SESN1: variants seen among roughly 807,000 people sequenced by gnomAD.
SESN1 encodes sestrin-1.
SESN1 carries 30 observed loss-of-function variants against 59.3 expected under a neutral mutation model. That is an observed-to-expected ratio of 0.51 (90% CI 0.38 to 0.69). SESN1 has a LOEUF of 0.69. SESN1 is among the 30% of genes least tolerant of loss of function. The pLI is 0.00. For synonymous variants in SESN1, 197 were observed against 219.9 expected (o/e 0.90, Z 0.92); for missense variants, 566 against 673.0 (o/e 0.84, Z 1.76).
intron 9 of SESN1, 145 bp downstream of exon 9, chr6:108,988,398 A>AGGGGT: frequency 1.6e-6 from 1 of 620,472 alleles, no homozygotes; most frequent in South Asian, 2.7e-5. Flanking sequence ...TCCCTTCTGA[A>AGGGGT]GGGGTACCTG....
rs549093444 is a variant in SESN1, at chr6:109,094,079, T to C, written c.-6A>G. On this transcript the variant is annotated 5_prime_UTR_variant, in exon 1 of 10. Transcript: ENST00000436639. The stretch of plus-strand genomic sequence containing the variant: ...TCATTCTCTCCTTCAGCCATGACAA[T>C]AGTTTTTCCTTTGCGGTCTTCAGTT... 3 of 1,606,040 alleles carry C rather than the reference T, an allele frequency of 1.9e-6. No homozygotes were observed. Among genetic ancestry groups the C allele is most frequent in the African/African-American group, 1.3e-5 (1 of 74,804 alleles).
chr6:109,081,627 T>C (rs1442965716), intron 1 of SESN1, among the ~76,000 whole-genome samples: 1 of 152,080 alleles, frequency 6.6e-6, no homozygotes, highest in Non-Finnish European at 1.5e-5. Context: ...TTGATTCCAA[T>C]CCCATGGCAC....
intron 1 of SESN1, among the ~76,000 whole-genome samples, chr6:109,040,988 A>G (rs748036089): frequency 6.6e-6 from 1 of 151,754 alleles, no homozygotes; most frequent in African/African-American, 2.4e-5. Context: ...CATACCCTCA[A>G]TTTACAGAGT....
chr6:109,027,085 G>A (rs973277649), intron 1 of SESN1, among the ~76,000 whole-genome samples: 11 of 152,088 alleles, frequency 7.2e-5, no homozygotes, highest in African/African-American at 2.4e-4. Flanking sequence ...CACGAGAATC[G>A]CTTGAATCTG....
intron 1 of SESN1, among the ~76,000 whole-genome samples, chr6:109,062,148 C>T (rs1382245200): frequency 1.3e-5 from 2 of 152,154 alleles, no homozygotes; most frequent in Non-Finnish European, 2.9e-5. Context: ...CCTCAGCCTC[C>T]CAGGTAGCTG....
intron 1 of SESN1, among the ~76,000 whole-genome samples, chr6:109,066,643 G>C (rs779715090): frequency 2.6e-5 from 4 of 152,036 alleles, no homozygotes; most frequent in African/African-American, 7.2e-5. Flanking sequence ...TGTGTGATAC[G>C]AAGTAGAAAA....
chr6:109,070,575 G>A (rs1228584708), intron 1 of SESN1, among the ~76,000 whole-genome samples: 2 of 152,152 alleles, frequency 1.3e-5, no homozygotes, highest in Admixed American at 6.5e-5. Context: ...TTATGAAAAC[G>A]TATACAGTGA....
chr6:109,064,240 AC>A (rs1463290149), intron 1 of SESN1, among the ~76,000 whole-genome samples: 2 of 151,802 alleles, frequency 1.3e-5, no homozygotes, highest in Non-Finnish European at 2.9e-5. Flanking sequence ...AAACAGCTAT[AC>A]CCTTATGTTC....
At chr6:109,093,718 C>T in intron 1 of SESN1, 77 bp downstream of exon 1, 1 of 1,424,290 alleles carries the variant, frequency 7.0e-7, no homozygotes, top group Non-Finnish European at 9.6e-7. Flanking sequence ...CTAATAGAAA[C>T]AAACACAACG....
intron 1 of SESN1, among the ~76,000 whole-genome samples, chr6:109,062,168 G>A (rs1780744758): frequency 6.6e-6 from 1 of 152,184 alleles, no homozygotes; most frequent in Non-Finnish European, 1.5e-5. Flanking sequence ...GGGACTACAG[G>A]CATGAGCCAC....
At chr6:109,013,041 G>A (rs1003155254) in intron 1 of SESN1, among the ~76,000 whole-genome samples, 3 of 151,868 alleles carry the variant, frequency 2.0e-5, no homozygotes, top group Non-Finnish European at 2.9e-5. Flanking sequence ...GCTTGAACCC[G>A]GGAGGCAGAG....
intron 1 of SESN1, among the ~76,000 whole-genome samples, chr6:109,017,335 G>A (rs1779942994): frequency 6.6e-6 from 1 of 151,912 alleles, no homozygotes; most frequent in Admixed American, 6.6e-5. Flanking sequence ...GCCCAGGCTG[G>A]AGCGCAGTGG....
chr6:109,087,915 C>T (rs1202479375), intron 1 of SESN1, among the ~76,000 whole-genome samples: 1 of 151,492 alleles, frequency 6.6e-6, no homozygotes, highest in Non-Finnish European at 1.5e-5. Context: ...GCCTTCTGTA[C>T]TGCTTCTCCT....
intron 1 of SESN1, among the ~76,000 whole-genome samples, chr6:109,027,045 C>T (rs1780106274): frequency 6.6e-6 from 1 of 152,046 alleles, no homozygotes; most frequent in African/African-American, 2.4e-5. Context: ...CACCACATAC[C>T]TATAATCCCA....
chr6:109,078,877 T>G (rs1272418612), intron 1 of SESN1, among the ~76,000 whole-genome samples: 1 of 152,184 alleles, frequency 6.6e-6, no homozygotes, highest in Admixed American at 6.5e-5. Flanking sequence ...TTCTGTATTT[T>G]AACAAGAGAA....
At position 109,009,025 on chromosome 6, in the gene SESN1, T is replaced by C. The variant is rs916757493; in HGVS notation, c.280-6682A>G. 3.6e-5 allele frequency: 36 copies of C among 1,011,098 alleles called. No homozygotes were observed. The South Asian group carries it at 1.3e-3, about 36-fold the overall frequency. The allele number at this position is 1,011,098 out of a possible 1,614,324, so 62.6% of individuals were successfully genotyped here. A position where few individuals can be genotyped will look rare whatever the true frequency, so the allele number is the denominator to read the frequency against. ...CGAGGTCTGCTGGATTTCTGACTTGTGGAGACTTGTCCAGACGACAATGTT... is the reference window on the plus strand; with the variant it reads ...CGAGGTCTGCTGGATTTCTGACTTGCGGAGACTTGTCCAGACGACAATGTT... On this transcript the variant is annotated intron_variant, in intron 1 of 9. Transcript: ENST00000436639.
At chr6:109,073,131 G>A (rs922888305) in intron 1 of SESN1, among the ~76,000 whole-genome samples, 1 of 152,062 alleles carries the variant, frequency 6.6e-6, no homozygotes, top group Non-Finnish European at 1.5e-5. Flanking sequence ...TAGGTGAACA[G>A]GGGCAAATTA....
At position 108,996,189 on chromosome 6, in the gene SESN1, C is replaced by T. The variant is rs1779499936; in HGVS notation, c.973-1580G>A. 2.6e-5 allele frequency among the ~76,000 whole-genome samples: 4 copies of T among 152,308 alleles called. No homozygotes were observed. The South Asian group carries it at 8.3e-4, about 32-fold the overall frequency. ...TCAAGAAATACTTGCTGGAGAATGA[C>T]TCTCAGGATAATTCTATATTAAGAG... On this transcript the variant is annotated intron_variant, in intron 5 of 9. Coordinates refer to ENST00000436639, the MANE Select transcript of SESN1 (RefSeq NM_014454.3).
intron 1 of SESN1, among the ~76,000 whole-genome samples, chr6:109,081,742 G>GC (rs1467643946): frequency 1.3e-5 from 2 of 152,146 alleles, no homozygotes; most frequent in East Asian, 3.9e-4. Flanking sequence ...CTCAGCAGGA[G>GC]CCCCAAAGAC....
Sources: allele counts gnomAD v4.1 joint callset (sites outside exome capture counted in the v4.1 genomes callset), GRCh38; gene constraint gnomAD v4.1.1; transcripts MANE v1.5; gene names NCBI Gene and HGNC (gene_info 2026-07-23, HGNC 2026-07-21).